SPMAP2L: variants seen among roughly 807,000 people sequenced by gnomAD.
SPMAP2L encodes the protein sperm microtubule associated protein 2 like.
chr4:56,612,362 TTTTC>T, the SPMAP2L span, among the ~76,000 whole-genome samples: 24 of 152,308 alleles, frequency 1.6e-4, no homozygotes, highest in Non-Finnish European at 2.9e-4. Flanking sequence ...TCTTTCTTTT[TTTTC>T]TTTCTCACTC....
chr4:56,606,720 AC>A, the SPMAP2L span, among the ~76,000 whole-genome samples: 1 of 152,182 alleles, frequency 6.6e-6, no homozygotes, highest in African/African-American at 2.4e-5. Flanking sequence ...GCCAGACCAG[AC>A]CACGTAGGGC....
chr4:56,530,928 GC>G, the SPMAP2L span: 1 of 1,535,104 alleles, frequency 6.5e-7, no homozygotes, highest in Non-Finnish European at 8.7e-7. Flanking sequence ...AGTCCTATGA[GC>G]CCCACGCTCC....
chr4:56,563,755 C>T, the SPMAP2L span, among the ~76,000 whole-genome samples: 1 of 152,192 alleles, frequency 6.6e-6, no homozygotes, highest in Non-Finnish European at 1.5e-5. Flanking sequence ...AGCACCAAAG[C>T]ATCCATAGAC....
the SPMAP2L span, among the ~76,000 whole-genome samples, chr4:56,575,941 G>C: frequency 6.6e-6 from 1 of 152,200 alleles, no homozygotes; most frequent in Non-Finnish European, 1.5e-5. Flanking sequence ...TGTGGAATTT[G>C]TTCTCCTGTA....
the SPMAP2L span, chr4:56,593,351 T>C: frequency 3.4e-6 from 4 of 1,182,462 alleles, no homozygotes; most frequent in African/African-American, 4.5e-5. Flanking sequence ...ATAGCTGTTG[T>C]CCAGACTCGA....
chr4:56,587,888 C>T, the SPMAP2L span, among the ~76,000 whole-genome samples: 3 of 152,226 alleles, frequency 2.0e-5, no homozygotes, highest in South Asian at 2.1e-4. Context: ...TTTAAGGAAT[C>T]TCCACACTGT....
chr4:56,530,903 G>T, the SPMAP2L span: 2 of 1,535,154 alleles, frequency 1.3e-6, no homozygotes, highest in Non-Finnish European at 1.7e-6. Context: ...TCCGAGGAAT[G>T]TGATGAGCCT....
the SPMAP2L span, among the ~76,000 whole-genome samples, chr4:56,620,600 G>T: frequency 1.3e-5 from 2 of 152,242 alleles, no homozygotes; most frequent in Admixed American, 1.3e-4. Flanking sequence ...GGTCAGGCTG[G>T]CCTCGAACTC....
At chr4:56,602,935 C>T in the SPMAP2L span, among the ~76,000 whole-genome samples, 1 of 152,088 alleles carries the variant, frequency 6.6e-6, no homozygotes, top group East Asian at 1.9e-4. Flanking sequence ...GATTCCAAAA[C>T]TCAAGTTCAA....
chr4:56,550,512 G>T, the SPMAP2L span, among the ~76,000 whole-genome samples: 1 of 151,940 alleles, frequency 6.6e-6, no homozygotes, highest in Non-Finnish European at 1.5e-5. Flanking sequence ...GGAGTAGAGC[G>T]GGTAGAATTA....
the SPMAP2L span, among the ~76,000 whole-genome samples, chr4:56,567,425 C>T: frequency 7.2e-6 from 1 of 138,308 alleles, no homozygotes; most frequent in Non-Finnish European, 1.5e-5. Context: ...CACCACCACA[C>T]CTGGCTAATT....
chr4:56,603,243 G>A, the SPMAP2L span: 1 of 1,534,762 alleles, frequency 6.5e-7, no homozygotes, highest in Admixed American at 2.0e-5. Context: ...TGATCCAGAT[G>A]TCTTTAAAAC....
At chr4:56,562,139 T>A in the SPMAP2L span, among the ~76,000 whole-genome samples, 1 of 152,040 alleles carries the variant, frequency 6.6e-6, no homozygotes, top group African/African-American at 2.4e-5. Flanking sequence ...TTATCATCTA[T>A]TACGGGGGAT....
chr4:56,539,038 T>G, the SPMAP2L span, among the ~76,000 whole-genome samples: 1 of 152,232 alleles, frequency 6.6e-6, no homozygotes, highest in South Asian at 2.1e-4. Flanking sequence ...CAACATTTAT[T>G]GAGCGACTAC....
At chr4:56,580,538 C>A in the SPMAP2L span, among the ~76,000 whole-genome samples, 1 of 151,928 alleles carries the variant, frequency 6.6e-6, no homozygotes, top group African/African-American at 2.4e-5. Context: ...AAAGACTGAA[C>A]GCTTTACCCC....
the SPMAP2L span, among the ~76,000 whole-genome samples, chr4:56,566,201 C>CTTAT: frequency 3.3e-5 from 5 of 151,482 alleles, no homozygotes; most frequent in African/African-American, 1.2e-4. Flanking sequence ...TATTTATTTA[C>CTTAT]TTATTTATTT....
chr4:56,535,812 C>T, the SPMAP2L span, among the ~76,000 whole-genome samples: 1 of 152,214 alleles, frequency 6.6e-6, no homozygotes, highest in Non-Finnish European at 1.5e-5. Context: ...CTCAACCCTC[C>T]AGAATGGGTT....
the SPMAP2L span, among the ~76,000 whole-genome samples, chr4:56,598,364 C>T: frequency 1.3e-5 from 2 of 152,122 alleles, no homozygotes; most frequent in Non-Finnish European, 2.9e-5. Flanking sequence ...ACAAGTAATT[C>T]CCCTTGAGCA....
the SPMAP2L span, chr4:56,595,672 T>A: frequency 8.8e-7 from 1 of 1,132,152 alleles, no homozygotes; most frequent in East Asian, 2.3e-5. Flanking sequence ...TGCCCACCCA[T>A]GGAAGTTTAT....
Sources: allele counts gnomAD v4.1 joint callset (sites outside exome capture counted in the v4.1 genomes callset), GRCh38; gene constraint gnomAD v4.1.1; transcripts MANE v1.5; gene names NCBI Gene and HGNC (gene_info 2026-07-23, HGNC 2026-07-21).